RFX7: variants seen among roughly 807,000 people sequenced by gnomAD.
RFX7 encodes DNA-binding protein RFX7.
Under a neutral mutation model 111.8 loss-of-function variants are expected in RFX7, and 26 were observed. The observed-to-expected ratio is 0.23, with a 90% CI of 0.17 to 0.32. RFX7 has a LOEUF of 0.32. Among genes scored for constraint, RFX7 ranks in the 10% least tolerant of loss-of-function variants. The pLI is 1.00. For missense variants in RFX7, 1,573 were observed against 1,772.9 expected (o/e 0.89, Z 2.02); for synonymous variants, 624 against 624.4 (o/e 1.00, Z 0.01).
intron 2 of RFX7, among the ~76,000 whole-genome samples, chr15:56,184,312 T>C (rs1355143423): frequency 3.3e-5 from 5 of 151,400 alleles, no homozygotes; most frequent in East Asian, 1.9e-4. Flanking sequence ...GTGCTGGGAT[T>C]ACAGGTGTGA....
chr15:56,181,855 C>T (rs573842807), intron 2 of RFX7, among the ~76,000 whole-genome samples: 3 of 152,214 alleles, frequency 2.0e-5, no homozygotes, highest in East Asian at 1.9e-4. Context: ...CTGTTAGGAA[C>T]GGGGCCACAC....
At chr15:56,112,948 A>G (rs2041959474) in intron 5 of RFX7, among the ~76,000 whole-genome samples, 4 of 152,212 alleles carry the variant, frequency 2.6e-5, no homozygotes, top group Admixed American at 2.0e-4. Context: ...AAAACCACAA[A>G]GAGATACCAT....
At chr15:56,138,850 T>G (rs1240183795) in intron 5 of RFX7, among the ~76,000 whole-genome samples, 3 of 152,118 alleles carry the variant, frequency 2.0e-5, no homozygotes, top group Non-Finnish European at 2.9e-5. Context: ...GTCTGTAAAG[T>G]ATTTTATTTC....
At chr15:56,167,729 A>T (rs2042799954) in intron 3 of RFX7, among the ~76,000 whole-genome samples, 1 of 152,202 alleles carries the variant, frequency 6.6e-6, no homozygotes. Context: ...ATTTTTTCAT[A>T]GCTTTAAAAC....
chr15:56,197,498 T>A (rs2043155750), intron 2 of RFX7, among the ~76,000 whole-genome samples: 1 of 152,182 alleles, frequency 6.6e-6, no homozygotes, highest in African/African-American at 2.4e-5. Context: ...TTTTCTGGAT[T>A]CCATGTGTGA....
Position 56,238,186 on chromosome 15 carries a change from G to T in RFX7, c.161+4939C>A, listed in dbSNP as rs2043645861. On this transcript the variant is annotated intron_variant, in intron 2 of 9. Coordinates refer to ENST00000559447, the MANE Select transcript of RFX7 (RefSeq NM_022841.7). ...AACTGAACCACTGCATTCTAGGATGGCGGACTGTAATCAGAACTAATATGG... is the reference window on the plus strand; with the variant it reads ...AACTGAACCACTGCATTCTAGGATGTCGGACTGTAATCAGAACTAATATGG... Among the ~76,000 whole-genome samples the T allele has an allele frequency of 1.3e-5, 2 of 152,110 alleles. 1 individual carries two copies. The highest frequency in any genetic ancestry group is 4.1e-4 in the South Asian group (2 of 4,828).
At chr15:56,112,666 A>G (rs1414312720) in intron 5 of RFX7, among the ~76,000 whole-genome samples, 1 of 152,214 alleles carries the variant, frequency 6.6e-6, no homozygotes, top group Admixed American at 6.5e-5. Context: ...GGATCTAGTT[A>G]AACTAAAGAG....
At chr15:56,178,930 C>A (rs2042932879) in intron 3 of RFX7, 1 of 155,642 alleles carries the variant, frequency 6.4e-6, no homozygotes, top group African/African-American at 2.4e-5. Flanking sequence ...ACCCATTAAA[C>A]ATCTTCAAAA....
chr15:56,129,031 C>G (rs111757967), intron 5 of RFX7, among the ~76,000 whole-genome samples: 1 of 151,906 alleles, frequency 6.6e-6, no homozygotes, highest in Non-Finnish European at 1.5e-5. Flanking sequence ...TCTAAGTAAA[C>G]AAAAATATAC....
chr15:56,149,458 T>G (rs140894140), intron 3 of RFX7, among the ~76,000 whole-genome samples: 2 of 152,152 alleles, frequency 1.3e-5, no homozygotes, highest in Non-Finnish European at 2.9e-5. Context: ...CCCAGCGAGA[T>G]TGATGCAGAA....
At chr15:56,136,102 C>G (rs1225129988) in intron 5 of RFX7, among the ~76,000 whole-genome samples, 14 of 152,038 alleles carry the variant, frequency 9.2e-5, no homozygotes, top group African/African-American at 3.4e-4. Flanking sequence ...GATGCGGGCT[C>G]TTTTTTGGTT....
At chr15:56,129,505 A>C (rs1273876532) in intron 5 of RFX7, among the ~76,000 whole-genome samples, 1 of 152,192 alleles carries the variant, frequency 6.6e-6, no homozygotes, top group African/African-American at 2.4e-5. Flanking sequence ...TCATATCCAC[A>C]ACTTACAAAT....
At chr15:56,107,340 T>C (rs61500930) in intron 5 of RFX7, among the ~76,000 whole-genome samples, 18,479 of 148,066 alleles carry the variant, frequency 0.12, 1,578 homozygotes, top group East Asian at 0.44. Flanking sequence ...GAATTGTTTT[T>C]TTTTTTCTCT....
At chr15:56,195,263 G>A (rs1203293975) in intron 2 of RFX7, among the ~76,000 whole-genome samples, 1 of 152,082 alleles carries the variant, frequency 6.6e-6, no homozygotes, top group African/African-American at 2.4e-5. Flanking sequence ...CGGAAATGAA[G>A]AGTGACTGCT....
chr15:56,168,604 T>C (rs1278348380), intron 3 of RFX7, among the ~76,000 whole-genome samples: 1 of 152,196 alleles, frequency 6.6e-6, no homozygotes, highest in Non-Finnish European at 1.5e-5. Flanking sequence ...GACACATATG[T>C]TGCTAACCAC....
rs930991684 is a variant in RFX7 at position 56,090,516 on chromosome 15, A to T, written c.*2829T>A. ...TGCCTATATAAAATATGTCCCATAA[A>T]ACACCTTCAGATCCAGTCAGTTTAA... On this transcript the variant is annotated 3_prime_UTR_variant, in exon 10 of 10. Coordinates refer to ENST00000559447, the MANE Select transcript of RFX7 (RefSeq NM_022841.7). The T allele has an allele frequency of 6.6e-5, 10 of 152,624 alleles. No individual in the cohort carries two copies. Among genetic ancestry groups the T allele is most frequent in the Admixed American group, 2.6e-4 (4 of 15,278 alleles). The allele number at this position is 152,624 out of a possible 1,614,324, so 9.5% of individuals were successfully genotyped here. A position where few individuals can be genotyped will look rare whatever the true frequency, so the allele number is the denominator to read the frequency against.
intron 5 of RFX7, among the ~76,000 whole-genome samples, chr15:56,139,991 G>A (rs1442500189): frequency 1.2e-4 from 19 of 152,150 alleles, no homozygotes; most frequent in Admixed American, 3.3e-4. Flanking sequence ...CTCCAGCTGC[G>A]TGCTGGGAGA....
chr15:56,146,565 A>G (rs1265721055), intron 3 of RFX7, among the ~76,000 whole-genome samples: 1 of 152,168 alleles, frequency 6.6e-6, no homozygotes, highest in Non-Finnish European at 1.5e-5. Context: ...CTTGGATTCT[A>G]TATAGCTTTC....
At chr15:56,125,318 T>A (rs1299665756) in intron 5 of RFX7, among the ~76,000 whole-genome samples, 3 of 152,150 alleles carry the variant, frequency 2.0e-5, no homozygotes, top group Non-Finnish European at 4.4e-5. Flanking sequence ...GTGGTTAGCA[T>A]TTTTTGGCAA....
Sources: gnomAD v4.1 joint callset for allele counts (sites outside exome capture counted in the v4.1 genomes callset) on GRCh38, gnomAD v4.1.1 for gene constraint, MANE v1.5 for transcripts, NCBI Gene and HGNC (gene_info 2026-07-23, HGNC 2026-07-21) for gene names.